The following PRKCG variants were observed in gnomAD, a reference collection of about 807,000 sequenced individuals.
The protein encoded by PRKCG is protein kinase C gamma.
Under a neutral mutation model 82.0 loss-of-function variants are expected in PRKCG, and 28 were observed. The ratio of observed to expected loss-of-function variants is 0.34; its 90% CI spans 0.25 to 0.47. The LOEUF is 0.47. Ranked by LOEUF, PRKCG falls within the 20% of genes least tolerant of loss-of-function variation. The pLI is 1.00. For synonymous variants in PRKCG, 383 were observed against 376.6 expected (o/e 1.02, Z -0.20); for missense variants, 640 against 952.7 (o/e 0.67, Z 4.32).
rs949303559 is a variant in PRKCG, at chr19:53,889,038, G to A, written c.286-600G>A. 2.6e-5 allele frequency among the ~76,000 whole-genome samples: 4 copies of A among 151,968 alleles called. No homozygotes were observed. The highest frequency in any genetic ancestry group is 6.6e-5 in the Admixed American group (1 of 15,248). The stretch of plus-strand genomic sequence containing the variant: ...CACAATCTTGGCTCACTGCAACCTC[G>A]GCCTCCTGGATTCAAGCAATTCTCA... On this transcript the variant is annotated intron_variant, in intron 3 of 17. Coordinates refer to ENST00000263431, the MANE Select transcript of PRKCG (RefSeq NM_002739.5). This position sits in a 1 kb window ranked among gnomAD's most constrained non-coding sequence, Gnocchi z 4.4.
upstream of PRKCG, among the ~76,000 whole-genome samples, chr19:53,881,473 A>C (rs917104960): frequency 2.0e-5 from 3 of 152,060 alleles, no homozygotes; most frequent in Non-Finnish European, 4.4e-5. Context: ...AAACAAACTC[A>C]GGGAGACAGA....
intron 9 of PRKCG, among the ~76,000 whole-genome samples, chr19:53,895,203 A>G (rs1404605451): frequency 1.3e-5 from 2 of 152,152 alleles, no homozygotes; most frequent in Non-Finnish European, 2.9e-5. Flanking sequence ...TAAACAAAAT[A>G]TATAAGCATA....
chr19:53,897,684 C>T (rs2068727294), intron 9 of PRKCG, among the ~76,000 whole-genome samples: 1 of 149,522 alleles, frequency 6.7e-6, no homozygotes, highest in Non-Finnish European at 1.5e-5. Context: ...AAAATGGAAA[C>T]GATAGCAGGG....
At chr19:53,891,647 T>A (rs1167566672) in intron 5 of PRKCG, 27 bp from the exon 6 acceptor site, 5 of 1,612,688 alleles carry the variant, frequency 3.1e-6, no homozygotes, top group Non-Finnish European at 4.2e-6. Context: ...CTCTAACCCG[T>A]CACACTCTTC....
At chr19:53,904,605 C>G (rs377153409) in intron 15 of PRKCG, 30 bp from the exon 16 acceptor site, 3 of 1,594,678 alleles carry the variant, frequency 1.9e-6, no homozygotes, top group Admixed American at 1.7e-5. Flanking sequence ...TGGGCATGTC[C>G]CTGACTCTCT....
rs529021240 is a variant in PRKCG at position 53,902,827 on chromosome 19, G to C, written c.1576-246G>C. Among the ~76,000 whole-genome samples, 392 of 142,232 alleles carry C rather than the reference G, an allele frequency of 2.8e-3. 3 individuals are homozygous for C. Among genetic ancestry groups the C allele is most frequent in the African/African-American group, 9.9e-3 (379 of 38,150 alleles). 93.3% of individuals were successfully genotyped at this position (142,232 alleles called of 152,430 possible). On this transcript the variant is annotated intron_variant, in intron 14 of 17. Transcript: ENST00000263431. The stretch of plus-strand genomic sequence containing the variant: ...AAGAATTACCTGAGCCTGGGAAGTT[G>C]AGGCTGAGTGAGCCGTGATCACACT...
intron 3 of PRKCG, among the ~76,000 whole-genome samples, chr19:53,886,079 T>G (rs2068629352): frequency 6.7e-6 from 1 of 148,360 alleles, no homozygotes; most frequent in South Asian, 2.2e-4. Context: ...AAAAAAAAGA[T>G]TTTTTTTTGT....
At chr19:53,885,383 C>T (rs1344868593) in intron 3 of PRKCG, among the ~76,000 whole-genome samples, 1 of 152,128 alleles carries the variant, frequency 6.6e-6, no homozygotes, top group Non-Finnish European at 1.5e-5. Flanking sequence ...CGCATGCCAC[C>T]ACACCCCGCT....
chr19:53,904,143 C>A (rs748737900), intron 15 of PRKCG, among the ~76,000 whole-genome samples: 1 of 151,850 alleles, frequency 6.6e-6, no homozygotes, highest in African/African-American at 2.4e-5. Flanking sequence ...CGCCTGTAAT[C>A]CAAGCACTTT....
In PRKCG at chr19:53,884,216, A is replaced by G; in HGVS notation, c.258A>G (p.Pro86=). The G allele has an allele frequency of 6.2e-7, 1 of 1,614,098 alleles. No homozygotes were observed. Among genetic ancestry groups the G allele is most frequent in the South Asian group, 1.1e-5 (1 of 91,076 alleles). The change falls in exon 3 of 18, where the codon CCA becomes CCG. Residue 86 remains proline (P), a synonymous_variant. Coordinates refer to ENST00000263431, the MANE Select transcript of PRKCG (RefSeq NM_002739.5). This position sits in a 1 kb window ranked among gnomAD's most constrained non-coding sequence, Gnocchi z 4.6. ...ACGAATTTGTGACCTTCGAGTGTCC[A>G]GGCGCTGGGAAGGGCCCCCAGACGG... is the stretch of plus-strand genomic sequence containing the variant. ...RCHEFVTFEC[P]GAGKGPQTDD...
At position 53,900,825 on chromosome 19, in the gene PRKCG, C is replaced by T. The variant is rs562717717; in HGVS notation, c.1575+76C>T. 18 of 1,601,416 alleles carry T rather than the reference C, an allele frequency of 1.1e-5. No individual in the cohort carries two copies. Among genetic ancestry groups the T allele is most frequent in the South Asian group, 6.6e-5 (6 of 90,714 alleles). On this transcript the variant is annotated intron_variant, in intron 14 of 17. Coordinates refer to ENST00000263431, the MANE Select transcript of PRKCG (RefSeq NM_002739.5). The surrounding 1 kb of genome is among the most constrained non-coding windows in gnomAD (Gnocchi z 4.2). The stretch of plus-strand genomic sequence containing the variant: ...GTAGCTGATGGTCCAGTATTCACCA[C>T]GGGTGAGGCCTGACCCTCAGACCTT...
In PRKCG at chr19:53,900,689, C is replaced by A. The variant is rs780647467; in HGVS notation, c.1515C>A (p.Asn505Lys). 11 of 1,614,222 alleles carry A rather than the reference C, an allele frequency of 6.8e-6. No homozygotes were observed. Among genetic ancestry groups the A allele is most frequent in the Non-Finnish European group, 8.5e-6 (10 of 1,180,052 alleles). ...KITDFGMCKE[N>K]VFPGTTTRTF... Reference sequence around the variant, plus strand: ...CTGACTTTGGCATGTGTAAGGAGAACGTCTTCCCCGGGACGACAACCCGCA... The same window carrying A: ...CTGACTTTGGCATGTGTAAGGAGAAAGTCTTCCCCGGGACGACAACCCGCA... The change falls in exon 14 of 18, where the codon AAC becomes AAA. Residue 505 changes from asparagine (N) to lysine (K), a missense_variant. Asn to Lys is a moderately conservative substitution (Grantham distance 94, BLOSUM62 0). This residue lies in a region of PRKCG where 198 missense variants were observed against 273.4 expected (regional missense o/e 0.72). Coordinates refer to ENST00000263431, the MANE Select transcript of PRKCG (RefSeq NM_002739.5). The surrounding 1 kb of genome is among the most constrained non-coding windows in gnomAD (Gnocchi z 4.2).
At position 53,898,116 on chromosome 19, in the gene PRKCG, G is replaced by T. The variant is rs1344650012; in HGVS notation, c.1092+5G>T. 1 of 1,614,044 alleles carries T rather than the reference G, an allele frequency of 6.2e-7. No homozygotes were observed. Among genetic ancestry groups the T allele is most frequent in the Non-Finnish European group, 8.5e-7 (1 of 1,179,974 alleles). ...GGAAAAGGCAGTTTTGGGAAGGTTGGATTCCTGGGGTTCTGGGGGAAAGGG... is the reference window on the plus strand; with the variant it reads ...GGAAAAGGCAGTTTTGGGAAGGTTGTATTCCTGGGGTTCTGGGGGAAAGGG... On this transcript the variant is annotated splice_donor_5th_base_variant and intron_variant, in intron 10 of 17. Coordinates refer to ENST00000263431, the MANE Select transcript of PRKCG (RefSeq NM_002739.5).
chr19:53,906,573 C>A, intron 17 of PRKCG, 116 bp downstream of exon 17: 1 of 1,561,232 alleles, frequency 6.4e-7, no homozygotes, highest in Non-Finnish European at 8.8e-7. Flanking sequence ...CCGCCCCCAA[C>A]AAAAGGAGGT....
In PRKCG at chr19:53,897,965, C is replaced by A. The variant is rs1568758398; in HGVS notation, c.946C>A (p.Arg316=). The change falls in exon 10 of 18, where the codon CGG becomes AGG. Residue 316 remains arginine, a synonymous_variant. Coordinates refer to ENST00000263431, the MANE Select transcript of PRKCG (RefSeq NM_002739.5). ...NYPLELYERV[R]MGPSSSPIPS... is the part of the protein sequence containing the mutation. ...TTCTTTCTCCTTTCCACAGCGGGTG[C>A]GGATGGGCCCCTCTTCCTCTCCCAT... The A allele has an allele frequency of 1.2e-6, 2 of 1,613,940 alleles. No individual in the cohort carries two copies. The highest frequency in any genetic ancestry group is 2.2e-5 in the East Asian group (1 of 44,874).
Position 53,892,966 on chromosome 19 carries a change from C to T in PRKCG, c.822-22C>T, listed in dbSNP as rs2068690697. 6.2e-7 allele frequency: 1 copy of T among 1,611,662 alleles called. No homozygotes were observed. The highest frequency in any genetic ancestry group is 8.5e-7 in the Non-Finnish European group (1 of 1,177,988). The stretch of plus-strand genomic sequence containing the variant: ...GGTGCCCCATCCCCGCTGCCCGCCT[C>T]TGGTCTCCGTCTGTATGTCAGGTAC... On this transcript the variant is annotated intron_variant, in intron 7 of 17. Coordinates refer to ENST00000263431, the MANE Select transcript of PRKCG (RefSeq NM_002739.5). The surrounding 1 kb of genome is among the most constrained non-coding windows in gnomAD (Gnocchi z 5.9).
Position 53,906,453 on chromosome 19 carries a change from G to A in PRKCG, c.1901G>A (p.Arg634His), listed in dbSNP as rs1238280713. 4.4e-6 allele frequency: 7 copies of A among 1,574,584 alleles called. No individual in the cohort carries two copies. Among genetic ancestry groups the A allele is most frequent in the East Asian group, 2.3e-5 (1 of 42,614 alleles). ...GAGATCCCGCCTCCTTTCAGACCCC[G>A]CCCGGTCAGTCACCCTCCAGGCAAC... ...RLEIPPPFRP[R>H]PCGRSGENFD... The change falls in exon 17 of 18, where the codon CGC becomes CAC. Residue 634 changes from arginine (R) to histidine (H), a missense_variant. By Grantham distance (29) the Arg-to-His change is conservative. Coordinates refer to ENST00000263431, the MANE Select transcript of PRKCG (RefSeq NM_002739.5).
chr19:53,886,199 G>C (rs1455827788), intron 3 of PRKCG, among the ~76,000 whole-genome samples: 3 of 151,634 alleles, frequency 2.0e-5, no homozygotes, highest in Non-Finnish European at 4.4e-5. Context: ...CTACCTCCCA[G>C]GTTCAAGCGA....
chr19:53,892,848 C>T lies in PRKCG; in HGVS notation c.822-140C>T, dbSNP rs45476497. The T allele has an allele frequency of 9.4e-7, 1 of 1,063,120 alleles. No homozygotes were observed. The allele number at this position is 1,063,120 out of a possible 1,614,324, so 65.9% of individuals were successfully genotyped here. The stretch of plus-strand genomic sequence containing the variant: ...CTTCTCCCCTCCCTTTCTCCCTCTC[C>T]CTCTCTTTTTATCTCACTCTTTCTC... On this transcript the variant is annotated intron_variant, in intron 7 of 17. Transcript: ENST00000263431. This position sits in a 1 kb window ranked among gnomAD's most constrained non-coding sequence, Gnocchi z 5.9.
Sources: allele counts gnomAD v4.1 joint callset (sites outside exome capture counted in the v4.1 genomes callset), GRCh38; gene constraint gnomAD v4.1.1; regional missense constraint gnomAD v4.1.1; non-coding constraint Gnocchi (gnomAD v3.1); transcripts MANE v1.5; gene names NCBI Gene and HGNC (gene_info 2026-07-23, HGNC 2026-07-21).